Variants in ATF6 observed in about 807,000 individuals in gnomAD.
ATF6 encodes activating transcription factor 6, also known as cyclic AMP-dependent transcription factor ATF-6 alpha.
ATF6 carries 53 observed loss-of-function variants against 83.6 expected under a neutral mutation model. The observed-to-expected ratio is 0.63, with a 90% CI of 0.51 to 0.80. The LOEUF is 0.80. Among genes scored for constraint, ATF6 ranks in the 30% least tolerant of loss-of-function variants. The pLI is 0.00. For synonymous variants in ATF6, 288 were observed against 285.8 expected, an observed-to-expected ratio of 1.01 and a Z score of -0.08; for missense variants, 744 against 797.9, an observed-to-expected ratio of 0.93 and a Z score of 0.81.
chr1:161,887,112 C>T lies in ATF6; in HGVS notation c.1719+23800C>T, dbSNP rs574944988. Among the ~76,000 whole-genome samples, 11 of 151,994 alleles carry T rather than the reference C, an allele frequency of 7.2e-5. No individual in the cohort carries two copies. The East Asian group carries it at 2.1e-3, about 29-fold the overall frequency. On this transcript the variant is annotated intron_variant, in intron 14 of 15. Coordinates refer to ENST00000367942, the MANE Select transcript of ATF6 (RefSeq NM_007348.4). ...TTTGAGAGGGAGTCTCGCTTTGTCA[C>T]CCATACTGGAGTGCAGTGGTGCGAT...
At chr1:161,817,514 C>CGT (rs145132978) in intron 7 of ATF6, among the ~76,000 whole-genome samples, 26 of 150,604 alleles carry the variant, frequency 1.7e-4, no homozygotes, top group African/African-American at 2.9e-4. Flanking sequence ...TATGTGCGTG[C>CGT]GTGTGTGTGT....
intron 14 of ATF6, among the ~76,000 whole-genome samples, chr1:161,889,745 T>G (rs1687508739): frequency 6.6e-6 from 1 of 152,192 alleles, no homozygotes; most frequent in Admixed American, 6.5e-5. Context: ...ATAATTTTAG[T>G]ATAAAATTCA....
At chr1:161,932,746 G>A (rs922680223) in intron 15 of ATF6, among the ~76,000 whole-genome samples, 2 of 152,158 alleles carry the variant, frequency 1.3e-5, no homozygotes, top group African/African-American at 2.4e-5. Context: ...TCTGCTCTAG[G>A]TCTCTCATGA....
At position 161,788,288 on chromosome 1, in the gene ATF6, T is replaced by C. The variant is rs112553537; in HGVS notation, c.355-3120T>C. 5.2e-4 allele frequency among the ~76,000 whole-genome samples: 79 copies of C among 152,366 alleles called. 2 individuals carry two copies. Among genetic ancestry groups the C allele is most frequent in the African/African-American group, 1.9e-3 (78 of 41,592 alleles). ...TTTGTTGTTTGCTTTTATTTTGTTTTACTTTGTATTTCTTTGGTTATTGTT... is the reference window on the plus strand; with the variant it reads ...TTTGTTGTTTGCTTTTATTTTGTTTCACTTTGTATTTCTTTGGTTATTGTT... On this transcript the variant is annotated intron_variant, in intron 4 of 15. Coordinates refer to ENST00000367942, the MANE Select transcript of ATF6 (RefSeq NM_007348.4).
chr1:161,887,715 C>G (rs928142863), intron 14 of ATF6, among the ~76,000 whole-genome samples: 2 of 151,998 alleles, frequency 1.3e-5, no homozygotes, highest in African/African-American at 4.8e-5. Flanking sequence ...CACATAGGAC[C>G]CCAGAATCGC....
rs746450042 is a variant in ATF6 at position 161,791,484 on chromosome 1, CA to C, written c.432del (p.Ala145ArgfsTer4). The C allele has an allele frequency of 1.2e-6, 2 of 1,612,978 alleles. No homozygotes were observed. Among genetic ancestry groups the C allele is most frequent in the Non-Finnish European group, 1.7e-6 (2 of 1,179,694 alleles). On this transcript the variant is annotated frameshift_variant, in exon 5 of 16. Coordinates refer to ENST00000367942, the MANE Select transcript of ATF6 (RefSeq NM_007348.4). LOFTEE classifies it high-confidence loss of function. ...GGTGAAAACTCTAATAGTCTCTCTT[CA>C]GCGGAGCCACTGAAGGAAGATAAGC... ...LYGENSNSLS[S>X]AEPLKEDKPV...
intron 9 of ATF6, chr1:161,840,410 G>A (rs939256530): frequency 1.1e-4 from 17 of 152,216 alleles, no homozygotes; most frequent in African/African-American, 4.1e-4. Flanking sequence ...AGCAGCAGCA[G>A]CTTTTGAGGA....
intron 11 of ATF6, among the ~76,000 whole-genome samples, chr1:161,852,308 A>AT (rs1686650675): frequency 6.6e-6 from 1 of 152,164 alleles, no homozygotes; most frequent in African/African-American, 2.4e-5. Flanking sequence ...ATATGTAGTA[A>AT]TCAACTACAG....
chr1:161,802,034 T>G lies in ATF6; in HGVS notation c.689-18T>G. The G allele has an allele frequency of 6.2e-7, 1 of 1,613,380 alleles. No homozygotes were observed. Among genetic ancestry groups the G allele is most frequent in the Non-Finnish European group, 8.5e-7 (1 of 1,179,606 alleles). ...GTAGTTGTGTACCCTTTGATTCCTT[T>G]TCTTTTTTCTAACGCAGGCCAGACG... is the stretch of plus-strand genomic sequence containing the variant. On this transcript the variant is annotated intron_variant, in intron 6 of 15. Coordinates refer to ENST00000367942, the MANE Select transcript of ATF6 (RefSeq NM_007348.4).
chr1:161,939,413 C>G (rs370465724), intron 15 of ATF6, among the ~76,000 whole-genome samples: 1 of 152,120 alleles, frequency 6.6e-6, no homozygotes, highest in Non-Finnish European at 1.5e-5. Context: ...TTTGCTGCAC[C>G]CATTAACTCG....
intron 14 of ATF6, among the ~76,000 whole-genome samples, chr1:161,865,025 T>G (rs1686962108): frequency 6.6e-6 from 1 of 152,240 alleles, no homozygotes; most frequent in African/African-American, 2.4e-5. Context: ...TTCAGGATAA[T>G]TACTGTATTA....
intron 15 of ATF6, among the ~76,000 whole-genome samples, chr1:161,926,428 C>T (rs887021189): frequency 3.3e-5 from 5 of 152,114 alleles, no homozygotes; most frequent in Admixed American, 6.6e-5. Context: ...GATTGGGTCT[C>T]AGGGATGTGC....
intron 4 of ATF6, among the ~76,000 whole-genome samples, chr1:161,784,907 A>G (rs898179847): frequency 3.3e-5 from 5 of 152,230 alleles, no homozygotes; most frequent in African/African-American, 1.2e-4. Context: ...GGAATCTTCA[A>G]AGAGAAATCT....
chr1:161,894,054 C>A (rs1378449720), intron 14 of ATF6, among the ~76,000 whole-genome samples: 2 of 152,072 alleles, frequency 1.3e-5, no homozygotes, highest in Non-Finnish European at 2.9e-5. Flanking sequence ...AAAAATTAAT[C>A]TCTTTGTGAT....
rs112385752 is a variant in ATF6 at position 161,793,673 on chromosome 1, T to C, written c.688+1346T>C. 2.9e-3 allele frequency among the ~76,000 whole-genome samples: 438 copies of C among 152,352 alleles called. 3 individuals are homozygous for C. Among genetic ancestry groups the C allele is most frequent in the African/African-American group, 9.8e-3 (409 of 41,576 alleles). On this transcript the variant is annotated intron_variant, in intron 6 of 15. Transcript: ENST00000367942. ...ACAAAAAGTCTGACATTAATATGAC[T>C]AGCGTATAAAGCAGGGGTATTCCTA...
At chr1:161,787,401 G>T (rs1684768970) in intron 4 of ATF6, among the ~76,000 whole-genome samples, 1 of 152,104 alleles carries the variant, frequency 6.6e-6, no homozygotes, top group African/African-American at 2.4e-5. Context: ...GCCAGTGGGG[G>T]TCCCTTCACA....
chr1:161,905,924 C>T (rs1427667497), intron 14 of ATF6, among the ~76,000 whole-genome samples: 1 of 152,076 alleles, frequency 6.6e-6, no homozygotes, highest in Non-Finnish European at 1.5e-5. Context: ...GCTCAGCCTC[C>T]CAGGTTCACG....
intron 1 of ATF6, among the ~76,000 whole-genome samples, chr1:161,772,777 C>A (rs915355642): frequency 3.3e-4 from 49 of 147,280 alleles, no homozygotes; most frequent in East Asian, 9.9e-4. Context: ...AAAAAAAAAA[C>A]AAAACCAACA....
At chr1:161,954,252 C>T (rs1218610379) in intron 15 of ATF6, among the ~76,000 whole-genome samples, 1 of 152,164 alleles carries the variant, frequency 6.6e-6, no homozygotes, top group East Asian at 1.9e-4. Context: ...GTGTTCCCGC[C>T]TCCCTTGTTT....
Sources: allele counts gnomAD v4.1 joint callset (sites outside exome capture counted in the v4.1 genomes callset), GRCh38; gene constraint gnomAD v4.1.1; transcripts MANE v1.5; gene names NCBI Gene and HGNC (gene_info 2026-07-23, HGNC 2026-07-21).